Variants in NR5A2 observed in about 807,000 individuals in gnomAD.
The protein encoded by NR5A2 is nuclear receptor subfamily 5 group A member 2, also known as CYP7A promoter-binding factor.
NR5A2 carries 26 observed loss-of-function variants against 62.7 expected under a neutral mutation model. The ratio of observed to expected loss-of-function variants is 0.41; its 90% CI spans 0.30 to 0.58. The LOEUF (loss-of-function observed/expected upper bound fraction) is 0.58, where lower values mean the gene tolerates loss of function less well. Ranked by LOEUF, NR5A2 falls within the 20% of genes least tolerant of loss-of-function variation. The pLI, the probability that NR5A2 is intolerant of heterozygous loss-of-function variation, is 0.22. For synonymous variants in NR5A2, 246 were observed against 241.7 expected (o/e 1.02, Z -0.16); for missense variants, 541 against 669.1 (o/e 0.81, Z 2.11).
At chr1:200,150,621 T>C (rs1032007475) in intron 7 of NR5A2, among the ~76,000 whole-genome samples, 7 of 152,082 alleles carry the variant, frequency 4.6e-5, no homozygotes, top group African/African-American at 1.7e-4. Context: ...TGTATTTAAA[T>C]GTCAAAAAAA....
intron 5 of NR5A2, among the ~76,000 whole-genome samples, chr1:200,096,452 G>A (rs558629641): frequency 6.6e-6 from 1 of 152,288 alleles, no homozygotes; most frequent in South Asian, 2.1e-4. Flanking sequence ...ATGGAAAACA[G>A]ACTGTGGTAT....
At chr1:200,076,945 T>G (rs1450320734) in intron 5 of NR5A2, among the ~76,000 whole-genome samples, 2 of 152,218 alleles carry the variant, frequency 1.3e-5, no homozygotes, top group Non-Finnish European at 2.9e-5. Context: ...TAAAATGTAC[T>G]TAAAATGAAT....
chr1:200,066,560 A>T (rs1017687276), intron 5 of NR5A2, among the ~76,000 whole-genome samples: 12 of 146,228 alleles, frequency 8.2e-5, no homozygotes, highest in African/African-American at 1.3e-4. Context: ...TCCTCTATAC[A>T]TTCCCTGCCA....
intron 5 of NR5A2, among the ~76,000 whole-genome samples, chr1:200,110,181 C>T (rs183948547): frequency 2.0e-5 from 3 of 152,326 alleles, no homozygotes; most frequent in African/African-American, 7.2e-5. Context: ...ATCTAAAATA[C>T]ACAAAACTCT....
At chr1:200,144,233 T>TCTCACACACACACACACA (rs1446217306) in intron 7 of NR5A2, among the ~76,000 whole-genome samples, 1 of 80,126 alleles carries the variant, frequency 1.2e-5, no homozygotes, top group Non-Finnish European at 2.8e-5. Flanking sequence ...TCTCTCTCTC[T>TCTCACACACACACACACA]CACACACACA....
chr1:200,034,783 CTTTTTT>C (rs767393832), intron 1 of NR5A2, among the ~76,000 whole-genome samples: 2,348 of 71,128 alleles, frequency 0.033, 83 homozygotes, highest in African/African-American at 0.098. Context: ...AGCAGAAAGG[CTTTTTT>C]TTTTTTTTTT....
At chr1:200,057,753 T>C in intron 5 of NR5A2, 1 of 240,286 alleles carries the variant, frequency 4.2e-6, no homozygotes, top group South Asian at 4.0e-5. Context: ...AGTGCTGGGA[T>C]TATGGGCATG....
intron 1 of NR5A2, among the ~76,000 whole-genome samples, chr1:200,032,281 C>A (rs186208973): frequency 3.4e-4 from 52 of 152,264 alleles, no homozygotes; most frequent in Non-Finnish European, 6.0e-4. Context: ...TGAAATGTGA[C>A]CAATATGATC....
intron 5 of NR5A2, among the ~76,000 whole-genome samples, chr1:200,106,927 A>G (rs1665703938): frequency 6.6e-6 from 1 of 152,208 alleles, no homozygotes; most frequent in Admixed American, 6.5e-5. Flanking sequence ...TCAAGATAAT[A>G]TAAAATACCA....
At chr1:200,092,120 A>T (rs1558132554) in intron 5 of NR5A2, among the ~76,000 whole-genome samples, 1 of 152,166 alleles carries the variant, frequency 6.6e-6, no homozygotes. Context: ...AATTAAGTGA[A>T]GCCATTAGTA....
intron 5 of NR5A2, among the ~76,000 whole-genome samples, chr1:200,091,144 T>G (rs1664796982): frequency 6.6e-6 from 1 of 152,120 alleles, no homozygotes; most frequent in Admixed American, 6.5e-5. Flanking sequence ...GTGCAGCAAC[T>G]CCAGTATTTG....
At chr1:200,143,649 T>A (rs1667543004) in intron 7 of NR5A2, among the ~76,000 whole-genome samples, 1 of 147,754 alleles carries the variant, frequency 6.8e-6, no homozygotes, top group Non-Finnish European at 1.5e-5. Context: ...TTTTTTTTTT[T>A]TTTTTTTTTT....
intron 5 of NR5A2, among the ~76,000 whole-genome samples, chr1:200,092,366 C>T (rs539066235): frequency 2.6e-4 from 40 of 152,108 alleles, no homozygotes; most frequent in South Asian, 2.1e-3. Flanking sequence ...TTATTAAAAG[C>T]GAGCAAATAC....
intron 7 of NR5A2, among the ~76,000 whole-genome samples, chr1:200,128,830 T>C (rs1342964355): frequency 1.3e-5 from 2 of 152,196 alleles, no homozygotes; most frequent in South Asian, 2.1e-4. Flanking sequence ...ACATTGTTAA[T>C]AGTAAATAAA....
At chr1:200,156,173 C>T (rs922572031) in intron 7 of NR5A2, among the ~76,000 whole-genome samples, 1 of 152,122 alleles carries the variant, frequency 6.6e-6, no homozygotes, top group Non-Finnish European at 1.5e-5. Flanking sequence ...TTTTGAAAAT[C>T]CCTATAAGAC....
intron 5 of NR5A2, among the ~76,000 whole-genome samples, chr1:200,066,436 C>G (rs1663471588): frequency 6.6e-6 from 1 of 152,026 alleles, no homozygotes; most frequent in Non-Finnish European, 1.5e-5. Context: ...CAGATGTCAC[C>G]TTTGGGAACT....
At position 200,176,260 on chromosome 1, in the gene NR5A2, G is replaced by A. The variant is rs563558792; in HGVS notation, c.*2050G>A. On this transcript the variant is annotated 3_prime_UTR_variant, in exon 8 of 8. Transcript: ENST00000367362. ...CAAGCATTGTAAATTGTATACCAAA[G>A]ATATTAGTTATTACTTCTGTGTGTA... is the stretch of plus-strand genomic sequence containing the variant. 148 of 152,682 alleles carry A rather than the reference G, an allele frequency of 9.7e-4. No individual in the cohort carries two copies. Among genetic ancestry groups the A allele is most frequent in the African/African-American group, 3.4e-3 (143 of 41,550 alleles). The allele number at this position is 152,682 out of a possible 1,614,324, so 9.5% of individuals were successfully genotyped here.
intron 7 of NR5A2, among the ~76,000 whole-genome samples, chr1:200,121,871 AAAAC>A (rs1487861788): frequency 2.0e-5 from 3 of 152,358 alleles, no homozygotes; most frequent in African/African-American, 4.8e-5. Flanking sequence ...ATAAAACAAT[AAAAC>A]AAACTGCAAA....
At position 200,039,847 on chromosome 1, in the gene NR5A2, G is replaced by T. The variant is rs748950742; in HGVS notation, c.202+52G>T. On this transcript the variant is annotated intron_variant, in intron 2 of 7. Coordinates refer to ENST00000367362, the MANE Select transcript of NR5A2 (RefSeq NM_205860.3). The surrounding 1 kb of genome is among the most constrained non-coding windows in gnomAD (Gnocchi z 5.1). ...GCTCCCGCTGCTTCCCCACCCCCGGGCTCGCCCTGCAGGCTTCAGCCTCCC... is the reference window on the plus strand; with the variant it reads ...GCTCCCGCTGCTTCCCCACCCCCGGTCTCGCCCTGCAGGCTTCAGCCTCCC... 11 of 1,557,568 alleles carry T rather than the reference G, an allele frequency of 7.1e-6. No homozygotes were observed. The African/African-American group carries it at 1.5e-4, about 22-fold the overall frequency.
Sources: allele counts gnomAD v4.1 joint callset (sites outside exome capture counted in the v4.1 genomes callset), GRCh38; gene constraint gnomAD v4.1.1; non-coding constraint Gnocchi (gnomAD v3.1); transcripts MANE v1.5; gene names NCBI Gene and HGNC (gene_info 2026-07-23, HGNC 2026-07-21).